Variants in SGCD observed in about 807,000 individuals in gnomAD.
SGCD encodes the protein sarcoglycan delta.
A neutral mutation model predicts 36.6 loss-of-function variants in SGCD; 18 were observed. That is an observed-to-expected ratio of 0.49 (90% CI 0.34 to 0.73). SGCD has a LOEUF of 0.73. Among genes scored for constraint, SGCD ranks in the 30% least tolerant of loss-of-function variants. SGCD has a pLI of 0.01. For missense variants in SGCD, 387 were observed against 346.7 expected, an observed-to-expected ratio of 1.12 and a Z score of -0.92; for synonymous variants, 133 against 130.6, an observed-to-expected ratio of 1.02 and a Z score of -0.12.
chr5:155,792,185 G>T, the SGCD span, among the ~76,000 whole-genome samples: 1 of 151,962 alleles, frequency 6.6e-6, no homozygotes, highest in Non-Finnish European at 1.5e-5. Flanking sequence ...TGGTGCTGGG[G>T]TAACTGGCTG....
chr5:156,392,589 C>T (rs1167822544), intron 3 of SGCD, among the ~76,000 whole-genome samples: 2 of 152,202 alleles, frequency 1.3e-5, no homozygotes, highest in African/African-American at 4.8e-5. Context: ...TCAATTAGAC[C>T]TCTGACTTAT....
intron 3 of SGCD, among the ~76,000 whole-genome samples, chr5:156,303,130 G>A (rs998680528): frequency 6.6e-6 from 1 of 152,150 alleles, no homozygotes; most frequent in Admixed American, 6.5e-5. Flanking sequence ...TGGAGTCAGG[G>A]ATTTTAGGAA....
chr5:156,344,144 C>T (rs921615542), intron 2 of SGCD, among the ~76,000 whole-genome samples: 1 of 152,050 alleles, frequency 6.6e-6, no homozygotes, highest in African/African-American at 2.4e-5. Flanking sequence ...TAAATTTTTC[C>T]TTCGGTTTGG....
chr5:156,511,451 A>T (rs1001513867), intron 4 of SGCD, among the ~76,000 whole-genome samples: 1 of 152,200 alleles, frequency 6.6e-6, no homozygotes, highest in African/African-American at 2.4e-5. Context: ...AGTAGTCTTC[A>T]AAATGTCAAA....
chr5:155,740,854 A>G, the SGCD span, among the ~76,000 whole-genome samples: 1 of 152,240 alleles, frequency 6.6e-6, no homozygotes. Context: ...GGTGTCAACA[A>G]AAGAGTCAAA....
chr5:156,234,434 G>A (rs1479038322), intron 3 of SGCD, among the ~76,000 whole-genome samples: 1 of 152,146 alleles, frequency 6.6e-6, no homozygotes. Context: ...GAGCACAGAT[G>A]AGAGGCTTGA....
intron 3 of SGCD, among the ~76,000 whole-genome samples, chr5:156,161,054 T>C (rs920589704): frequency 1.3e-5 from 2 of 151,782 alleles, no homozygotes; most frequent in Non-Finnish European, 2.9e-5. Flanking sequence ...ATTACCCTTA[T>C]AGCCTGCTTA....
At chr5:156,521,807 A>G (rs1033327629) in intron 4 of SGCD, among the ~76,000 whole-genome samples, 3 of 152,210 alleles carry the variant, frequency 2.0e-5, no homozygotes, top group African/African-American at 7.2e-5. Flanking sequence ...AAGACCTGGA[A>G]CTAAAAATAC....
chr5:156,123,665 A>T (rs1031144730), intron 2 of SGCD, among the ~76,000 whole-genome samples: 1 of 151,604 alleles, frequency 6.6e-6, no homozygotes, highest in Admixed American at 6.6e-5. Context: ...ATACTATGAA[A>T]TTTTTTTTTG....
chr5:155,909,952 G>A (rs1756597332), intron 1 of SGCD, among the ~76,000 whole-genome samples: 1 of 151,884 alleles, frequency 6.6e-6, no homozygotes, highest in South Asian at 2.1e-4. Context: ...TAATAGTCTG[G>A]GAGCAAAAGA....
At chr5:156,587,308 GT>G in intron 4 of SGCD, among the ~76,000 whole-genome samples, 1 of 152,286 alleles carries the variant, frequency 6.6e-6, no homozygotes, top group East Asian at 1.9e-4. Flanking sequence ...CTGTCTCGTG[GT>G]TTTCACTATT....
intron 1 of SGCD, among the ~76,000 whole-genome samples, chr5:155,923,323 A>G (rs547495728): frequency 1.1e-3 from 163 of 152,336 alleles, no homozygotes; most frequent in African/African-American, 3.6e-3. Flanking sequence ...ACATTATCGA[A>G]AAGGTTTAGA....
intron 3 of SGCD, among the ~76,000 whole-genome samples, chr5:156,431,562 G>T (rs1347839324): frequency 6.6e-6 from 1 of 152,134 alleles, no homozygotes; most frequent in African/African-American, 2.4e-5. Context: ...TGTCTCTGCT[G>T]TAAGAAACCT....
intron 7 of SGCD, among the ~76,000 whole-genome samples, chr5:156,746,325 A>C (rs1249045615): frequency 6.6e-6 from 1 of 152,248 alleles, no homozygotes; most frequent in Admixed American, 6.5e-5. Context: ...GATCTATTCC[A>C]GAAAAACAAA....
the SGCD span, among the ~76,000 whole-genome samples, chr5:155,857,381 A>G: frequency 2.0e-5 from 3 of 152,252 alleles, no homozygotes; most frequent in African/African-American, 7.2e-5. Context: ...AATTGGAAGC[A>G]ACTCAAATTC....
At chr5:156,132,350 A>G (rs1452060949) in intron 3 of SGCD, among the ~76,000 whole-genome samples, 1 of 150,160 alleles carries the variant, frequency 6.7e-6, no homozygotes, top group Non-Finnish European at 1.5e-5. Flanking sequence ...CCTAATATTC[A>G]TGTGGATCAC....
intron 3 of SGCD, among the ~76,000 whole-genome samples, chr5:156,379,449 G>A (rs1770861489): frequency 6.6e-6 from 1 of 152,252 alleles, no homozygotes; most frequent in South Asian, 2.1e-4. Context: ...GTGTGTTCAA[G>A]AAACAGAAAG....
At chr5:156,638,649 A>G (rs905359467) in intron 6 of SGCD, among the ~76,000 whole-genome samples, 1 of 152,134 alleles carries the variant, frequency 6.6e-6, no homozygotes, top group Non-Finnish European at 1.5e-5. Context: ...TACTATCAAA[A>G]ACGATGTACT....
chr5:156,406,549 G>A (rs187267527), intron 3 of SGCD, among the ~76,000 whole-genome samples: 30 of 151,636 alleles, frequency 2.0e-4, no homozygotes, highest in Admixed American at 1.4e-3. Flanking sequence ...CCTTCAATCC[G>A]TTCAAGTTTC....
Sources: allele counts gnomAD v4.1 joint callset (sites outside exome capture counted in the v4.1 genomes callset), GRCh38; gene constraint gnomAD v4.1.1; transcripts MANE v1.5; gene names NCBI Gene and HGNC (gene_info 2026-07-23, HGNC 2026-07-21).